Variants in REDIC1 observed in about 807,000 individuals in gnomAD.
REDIC1 encodes HEI10 Interacting Protein 1.
At chr12:39,693,799 T>C in the REDIC1 span, among the ~76,000 whole-genome samples, 1 of 152,192 alleles carries the variant, frequency 6.6e-6, no homozygotes, top group East Asian at 1.9e-4. Flanking sequence ...ATTTTCAGGG[T>C]AATTTCTGGG....
the REDIC1 span, among the ~76,000 whole-genome samples, chr12:39,660,764 A>G: frequency 2.0e-5 from 3 of 152,066 alleles, no homozygotes; most frequent in South Asian, 2.1e-4. Flanking sequence ...CATTCTATCT[A>G]TTATATGTTT....
the REDIC1 span, among the ~76,000 whole-genome samples, chr12:39,824,136 G>A: frequency 6.6e-6 from 1 of 152,100 alleles, no homozygotes; most frequent in Non-Finnish European, 1.5e-5. Flanking sequence ...TAATCTAGAA[G>A]CAAATATACA....
At chr12:39,786,584 C>A in the REDIC1 span, among the ~76,000 whole-genome samples, 2 of 152,144 alleles carry the variant, frequency 1.3e-5, no homozygotes, top group African/African-American at 4.8e-5. Flanking sequence ...GCATATAAAG[C>A]ACAAGGAGAG....
At chr12:39,859,401 C>G in the REDIC1 span, among the ~76,000 whole-genome samples, 4 of 145,766 alleles carry the variant, frequency 2.7e-5, no homozygotes, top group East Asian at 8.4e-4. Context: ...CTGGCATCAC[C>G]TGGGGAGCAT....
chr12:39,658,338 G>C, the REDIC1 span, among the ~76,000 whole-genome samples: 1 of 152,170 alleles, frequency 6.6e-6, no homozygotes, highest in African/African-American at 2.4e-5. Context: ...ACCTGCCTCA[G>C]CCTCCCAAAG....
chr12:39,704,787 T>C, the REDIC1 span, among the ~76,000 whole-genome samples: 440 of 152,036 alleles, frequency 2.9e-3, 3 homozygotes, highest in African/African-American at 1.0e-2. Context: ...ATGGATGAAA[T>C]TGGAAATCAT....
chr12:39,662,244 C>T, the REDIC1 span, among the ~76,000 whole-genome samples: 1 of 152,044 alleles, frequency 6.6e-6, no homozygotes, highest in African/African-American at 2.4e-5. Flanking sequence ...ATTATTTTAA[C>T]AATACTCATT....
chr12:39,719,951 A>G, the REDIC1 span, among the ~76,000 whole-genome samples: 1 of 152,102 alleles, frequency 6.6e-6, no homozygotes, highest in African/African-American at 2.4e-5. Flanking sequence ...TCAATCAGCT[A>G]AAGCCTATAC....
At chr12:39,804,260 T>C in the REDIC1 span, among the ~76,000 whole-genome samples, 7 of 152,154 alleles carry the variant, frequency 4.6e-5, no homozygotes, top group Admixed American at 4.6e-4. Context: ...TACAACAAAT[T>C]TGAAGGCAAA....
chr12:39,682,612 C>G, the REDIC1 span: 1 of 1,562,142 alleles, frequency 6.4e-7, no homozygotes, highest in African/African-American at 1.4e-5. Flanking sequence ...ATCCCAAAGT[C>G]TAGGAAATAG....
At chr12:39,822,025 C>T in the REDIC1 span, among the ~76,000 whole-genome samples, 6 of 151,100 alleles carry the variant, frequency 4.0e-5, no homozygotes, top group Non-Finnish European at 8.8e-5. Flanking sequence ...CACACTAACT[C>T]GTCATCTAGC....
chr12:39,841,246 T>C, the REDIC1 span, among the ~76,000 whole-genome samples: 1 of 152,148 alleles, frequency 6.6e-6, no homozygotes, highest in Non-Finnish European at 1.5e-5. Flanking sequence ...TTTAGCCTAG[T>C]AGCCAGAATG....
chr12:39,871,888 T>G, the REDIC1 span: 1 of 1,612,270 alleles, frequency 6.2e-7, no homozygotes, highest in Non-Finnish European at 8.5e-7. Flanking sequence ...GTGAAGGCTG[T>G]AACTGAAGCC....
chr12:39,675,822 C>G, the REDIC1 span, among the ~76,000 whole-genome samples: 1 of 152,194 alleles, frequency 6.6e-6, no homozygotes, highest in Admixed American at 6.5e-5. Context: ...CAACCTGGAG[C>G]CTGATAGCCT....
the REDIC1 span, among the ~76,000 whole-genome samples, chr12:39,666,298 G>A: frequency 6.6e-6 from 1 of 152,114 alleles, no homozygotes; most frequent in Non-Finnish European, 1.5e-5. Flanking sequence ...TTTGTCAAAG[G>A]CCTTTTCTGC....
At chr12:39,837,668 A>C in the REDIC1 span, among the ~76,000 whole-genome samples, 1 of 151,830 alleles carries the variant, frequency 6.6e-6, no homozygotes, top group Non-Finnish European at 1.5e-5. Flanking sequence ...ACCCCATCAA[A>C]AAGTGGGCGA....
At chr12:39,694,096 T>A in the REDIC1 span, among the ~76,000 whole-genome samples, 1 of 152,228 alleles carries the variant, frequency 6.6e-6, no homozygotes, top group African/African-American at 2.4e-5. Flanking sequence ...TCTTTTTCTG[T>A]GAATTCTCTA....
chr12:39,727,001 T>A, the REDIC1 span, among the ~76,000 whole-genome samples: 1 of 152,194 alleles, frequency 6.6e-6, no homozygotes, highest in African/African-American at 2.4e-5. Flanking sequence ...GCCCACTTTT[T>A]GATGGGGTTG....
chr12:39,704,637 G>T, the REDIC1 span, among the ~76,000 whole-genome samples: 2 of 152,094 alleles, frequency 1.3e-5, no homozygotes, highest in African/African-American at 2.4e-5. Context: ...GTTTATTGCG[G>T]CATTATTTAC....
Sources: allele counts gnomAD v4.1 joint callset (sites outside exome capture counted in the v4.1 genomes callset), GRCh38; gene constraint gnomAD v4.1.1; transcripts MANE v1.5; gene names NCBI Gene and HGNC (gene_info 2026-07-23, HGNC 2026-07-21).